The following ATP2B1 variants were observed in gnomAD, a reference collection of about 807,000 sequenced individuals.
ATP2B1 encodes plasma membrane calcium-transporting ATPase 1.
A neutral mutation model predicts 124.2 loss-of-function variants in ATP2B1; 14 were observed. The observed-to-expected ratio is 0.11, with a 90% CI of 0.07 to 0.18. The LOEUF is 0.18. Ranked by LOEUF, ATP2B1 falls within the 10% of genes least tolerant of loss-of-function variation. The pLI, the probability that ATP2B1 is intolerant of heterozygous loss-of-function variation, is 1.00. For missense variants in ATP2B1, 763 were observed against 1,466.1 expected, an observed-to-expected ratio of 0.52 and a Z score of 7.83; for synonymous variants, 449 against 492.4, an observed-to-expected ratio of 0.91 and a Z score of 1.17.
In ATP2B1 at chr12:89,697,277, T is replaced by C. The variant is rs557058267; in HGVS notation, c.-222+11319A>G. 2.0e-5 allele frequency among the ~76,000 whole-genome samples: 3 copies of C among 152,110 alleles called. No homozygotes were observed. The East Asian group carries it at 5.8e-4, about 29-fold the overall frequency. On this transcript the variant is annotated intron_variant, in intron 1 of 20. Transcript: ENST00000428670. ...GAGCTTGGGGTATGGCGGGTCAGAA[T>C]CTCAGGGGAAGACTCAAGAAACCAA...
intron 16 of ATP2B1, 107 bp downstream of exon 16, chr12:89,604,048 C>G (rs1876378232): frequency 4.3e-6 from 6 of 1,399,090 alleles, no homozygotes; most frequent in South Asian, 1.4e-5. Context: ...TATTAACTAA[C>G]CTAAAATATT....
chr12:89,708,465 G>A (rs1367807095), intron 1 of ATP2B1, 131 bp downstream of exon 1: 1 of 152,272 alleles, frequency 6.6e-6, no homozygotes, highest in Non-Finnish European at 1.5e-5. Context: ...CCCGAATCCG[G>A]CGCAACCCGC....
intron 5 of ATP2B1, among the ~76,000 whole-genome samples, chr12:89,632,802 A>C (rs1416692748): frequency 1.3e-5 from 2 of 152,190 alleles, no homozygotes; most frequent in Non-Finnish European, 2.9e-5. Flanking sequence ...GACTCTACAA[A>C]GTTATTTCAG....
chr12:89,661,864 T>A (rs997611645), intron 1 of ATP2B1, among the ~76,000 whole-genome samples: 2 of 152,158 alleles, frequency 1.3e-5, no homozygotes, highest in African/African-American at 4.8e-5. Context: ...TGGTTGCTAT[T>A]GGCATTTTAT....
intron 6 of ATP2B1, among the ~76,000 whole-genome samples, chr12:89,629,198 G>A (rs1881439339): frequency 1.3e-5 from 2 of 152,168 alleles, no homozygotes; most frequent in Non-Finnish European, 2.9e-5. Context: ...ATGGAGCACA[G>A]CATAAAAGGG....
chr12:89,643,156 ATATG>A (rs368833306), intron 2 of ATP2B1, among the ~76,000 whole-genome samples: 147 of 150,760 alleles, frequency 9.8e-4, no homozygotes, highest in East Asian at 3.9e-3. Context: ...GTATATGTAT[ATATG>A]TATGTATGTA....
Position 89,621,785 on chromosome 12 carries a change from T to C in ATP2B1, c.1351A>G (p.Met451Val). 6.6e-7 allele frequency: 1 copy of C among 1,524,654 alleles called. No individual in the cohort carries two copies. The highest frequency in any genetic ancestry group is 1.6e-5 in the African/African-American group (1 of 63,146). The allele number at this position is 1,524,654 out of a possible 1,614,324, so 94.4% of individuals were successfully genotyped here. The change falls in exon 10 of 21, where the codon ATG becomes GTG. Residue 451 changes from methionine (M) to valine (V), a missense_variant. By Grantham distance (21) the Met-to-Val change is conservative. This residue lies in a region of ATP2B1 where 392 missense variants were observed against 776.6 expected (regional missense o/e 0.50). Coordinates refer to ENST00000428670, the MANE Select transcript of ATP2B1 (RefSeq NM_001366521.1). ...TGCCTTACTAAGTTATTATCTTTCA[T>C]CATTTTCTACAGTGACCAAAAAAAA... ...ISLAYSVKKM[M>V]KDNNLVRHLD...
intron 1 of ATP2B1, among the ~76,000 whole-genome samples, chr12:89,678,562 C>T (rs1409283301): frequency 2.0e-5 from 3 of 152,156 alleles, no homozygotes; most frequent in Admixed American, 6.5e-5. Flanking sequence ...ATTTCACACA[C>T]TTTCTCCAAT....
At chr12:89,617,145 AT>A in intron 11 of ATP2B1, 106 bp from the exon 12 acceptor site, 2 of 796,056 alleles carry the variant, frequency 2.5e-6, no homozygotes, top group Non-Finnish European at 4.1e-6. Flanking sequence ...GATATCTGGA[AT>A]TTAGAGAATT....
At chr12:89,629,522 GAATTTTT>G (rs1881508206) in intron 6 of ATP2B1, among the ~76,000 whole-genome samples, 2 of 152,280 alleles carry the variant, frequency 1.3e-5, no homozygotes, top group South Asian at 4.1e-4. Context: ...TCTGCGTCCA[GAATTTTT>G]CACATACATT....
chr12:89,635,609 A>G (rs1882568686), intron 3 of ATP2B1, among the ~76,000 whole-genome samples: 1 of 152,218 alleles, frequency 6.6e-6, no homozygotes. Context: ...TGTGAGGATT[A>G]AATGTGAGGA....
At chr12:89,635,342 TTA>T in intron 3 of ATP2B1, 91 bp from the exon 4 acceptor site, 2 of 1,402,136 alleles carry the variant, frequency 1.4e-6, no homozygotes, top group Non-Finnish European at 1.9e-6. Context: ...TTTGTGTTAA[TTA>T]TGTTTATCAA....
intron 20 of ATP2B1, 37 bp from the exon 21 acceptor site, chr12:89,591,332 A>G: frequency 1.3e-6 from 2 of 1,523,452 alleles, no homozygotes; most frequent in Non-Finnish European, 1.8e-6. Context: ...ATGTCAGTAC[A>G]CTATTAACAA....
At chr12:89,650,190 A>T (rs1885062283) in intron 2 of ATP2B1, among the ~76,000 whole-genome samples, 1 of 152,214 alleles carries the variant, frequency 6.6e-6, no homozygotes, top group African/African-American at 2.4e-5. Flanking sequence ...TGACTTTTCT[A>T]AGTGAGGGAC....
chr12:89,650,119 A>T lies in ATP2B1; in HGVS notation c.208+5560T>A, dbSNP rs1046988086. ...TACCCTGCCTCAGGTATTTCTTTAT[A>T]GCAGTGCGCAAACGGAGTAACACAG... On this transcript the variant is annotated intron_variant, in intron 2 of 20. Transcript: ENST00000428670. Among the ~76,000 whole-genome samples, 13 of 152,210 alleles carry T rather than the reference A, an allele frequency of 8.5e-5. No homozygotes were observed. In the East Asian group the frequency reaches 9.6e-4, roughly 11 times the overall value.
chr12:89,665,427 C>T (rs1887194392), intron 1 of ATP2B1, among the ~76,000 whole-genome samples: 1 of 152,100 alleles, frequency 6.6e-6, no homozygotes, highest in Non-Finnish European at 1.5e-5. Context: ...CTTTTGCTCT[C>T]CCAGAAAATA....
At chr12:89,686,550 G>A (rs1319236416) in intron 1 of ATP2B1, among the ~76,000 whole-genome samples, 1 of 151,944 alleles carries the variant, frequency 6.6e-6, no homozygotes, top group East Asian at 1.9e-4. Context: ...AATTTCCCAA[G>A]GAAATTTTAG....
intron 2 of ATP2B1, among the ~76,000 whole-genome samples, chr12:89,643,103 C>A (rs956897741): frequency 2.8e-5 from 4 of 143,958 alleles, no homozygotes; most frequent in Admixed American, 6.9e-5. Context: ...TATATACATA[C>A]GTATATATAT....
chr12:89,602,917 T>C (rs781124680), intron 18 of ATP2B1, 126 bp downstream of exon 18: 27 of 781,610 alleles, frequency 3.5e-5, no homozygotes, highest in Non-Finnish European at 5.3e-5. Context: ...ATCACCATGA[T>C]ATTATATATG....
Sources: gnomAD v4.1 joint callset for allele counts (sites outside exome capture counted in the v4.1 genomes callset) on GRCh38, gnomAD v4.1.1 for gene constraint, gnomAD v4.1.1 regional missense constraint, MANE v1.5 for transcripts, NCBI Gene and HGNC (gene_info 2026-07-23, HGNC 2026-07-21) for gene names.